The following NRXN3 variants were observed in gnomAD, a reference collection of about 807,000 sequenced individuals.
The protein encoded by NRXN3 is neurexin III.
A neutral mutation model predicts 137.6 loss-of-function variants in NRXN3; 32 were observed. The ratio of observed to expected loss-of-function variants is 0.23; its 90% confidence interval spans 0.18 to 0.31. The LOEUF is 0.31. Ranked by LOEUF, NRXN3 falls within the 10% of genes least tolerant of loss-of-function variation. The pLI is 1.00. For synonymous variants in NRXN3, 798 were observed against 784.5 expected (o/e 1.02, Z -0.29); for missense variants, 1,574 against 2,062.5 (o/e 0.76, Z 4.59).
In NRXN3 at chr14:79,749,174, C is replaced by T. The variant is rs565059158; in HGVS notation, c.4014+51237C>T. Among the ~76,000 whole-genome samples the T allele has an allele frequency of 3.3e-5, 5 of 152,108 alleles. No individual in the cohort carries two copies. In the South Asian group the frequency reaches 8.3e-4, roughly 25 times the overall value. On this transcript the variant is annotated intron_variant, in intron 19 of 20. Coordinates refer to ENST00000335750, the MANE Select transcript of NRXN3 (RefSeq NM_001330195.2). ...GCTGTGAGAAGTTAATCGTCTTGGGCATTGTTAGGAGGAGACTGTCTGGTA... is the reference window on the plus strand; with the variant it reads ...GCTGTGAGAAGTTAATCGTCTTGGGTATTGTTAGGAGGAGACTGTCTGGTA...
At chr14:78,827,892 CT>C (rs2098971529) in intron 10 of NRXN3, among the ~76,000 whole-genome samples, 2 of 152,182 alleles carry the variant, frequency 1.3e-5, no homozygotes, top group African/African-American at 4.8e-5. Context: ...ACACTTTGTT[CT>C]ATTTAACAGC....
At chr14:79,389,782 A>C (rs1164496226) in intron 15 of NRXN3, among the ~76,000 whole-genome samples, 1 of 152,188 alleles carries the variant, frequency 6.6e-6, no homozygotes, top group Non-Finnish European at 1.5e-5. Context: ...GAATTAATGA[A>C]AGGTCTGTCT....
chr14:78,982,263 T>C (rs1241877793), intron 14 of NRXN3, among the ~76,000 whole-genome samples: 1 of 152,222 alleles, frequency 6.6e-6, no homozygotes, highest in East Asian at 1.9e-4. Context: ...TTTAGTTCTT[T>C]CTTTTATTCA....
intron 16 of NRXN3, among the ~76,000 whole-genome samples, chr14:79,631,144 G>A (rs1292728668): frequency 6.6e-6 from 1 of 152,254 alleles, no homozygotes; most frequent in Non-Finnish European, 1.5e-5. Context: ...AAAGGGAACA[G>A]CTAAGACAAG....
intron 15 of NRXN3, among the ~76,000 whole-genome samples, chr14:79,390,032 T>C (rs1489218330): frequency 1.3e-5 from 2 of 152,130 alleles, no homozygotes; most frequent in East Asian, 3.9e-4. Context: ...TCTACATGAA[T>C]TAGGTCCAGG....
chr14:79,564,178 A>AG, intron 16 of NRXN3, among the ~76,000 whole-genome samples: 1 of 152,198 alleles, frequency 6.6e-6, no homozygotes, highest in African/African-American at 2.4e-5. Flanking sequence ...TTAAAAAAAA[A>AG]AAAAGATGTT....
At chr14:78,281,611 CT>C (rs980319427) in intron 3 of NRXN3, among the ~76,000 whole-genome samples, 3 of 152,130 alleles carry the variant, frequency 2.0e-5, no homozygotes, top group African/African-American at 7.2e-5. Flanking sequence ...TGCTTGTAAC[CT>C]TTGGGGAGGA....
chr14:78,410,517 C>A (rs551904683), intron 4 of NRXN3, among the ~76,000 whole-genome samples: 47 of 152,176 alleles, frequency 3.1e-4, no homozygotes, highest in Non-Finnish European at 6.2e-4. Flanking sequence ...TTTCTTAACT[C>A]CTGAGCCAGG....
intron 15 of NRXN3, among the ~76,000 whole-genome samples, chr14:79,327,227 C>A (rs1027111348): frequency 1.3e-5 from 2 of 152,166 alleles, no homozygotes; most frequent in Non-Finnish European, 2.9e-5. Flanking sequence ...GCAGCTCCCC[C>A]AGAAATGCCG....
intron 19 of NRXN3, among the ~76,000 whole-genome samples, chr14:79,712,904 C>G (rs2154053625): frequency 6.6e-6 from 1 of 152,254 alleles, no homozygotes; most frequent in Admixed American, 6.5e-5. Context: ...TATTTATTTC[C>G]TCATTTTCAA....
chr14:79,354,300 A>G (rs779746741), intron 15 of NRXN3, among the ~76,000 whole-genome samples: 3 of 152,314 alleles, frequency 2.0e-5, no homozygotes, highest in South Asian at 2.1e-4. Flanking sequence ...TTTTAAAAAT[A>G]TGGTATCAAT....
intron 16 of NRXN3, among the ~76,000 whole-genome samples, chr14:79,558,701 C>T (rs1200353233): frequency 6.6e-6 from 1 of 151,926 alleles, no homozygotes; most frequent in Non-Finnish European, 1.5e-5. Flanking sequence ...CTTAAGGGAG[C>T]CCTAGGATTT....
intron 19 of NRXN3, among the ~76,000 whole-genome samples, chr14:79,780,365 C>T (rs1388540417): frequency 2.0e-5 from 3 of 151,992 alleles, no homozygotes; most frequent in African/African-American, 7.2e-5. Flanking sequence ...CTTTGAGAGG[C>T]CGAGGCAGGC....
chr14:78,276,814 C>T (rs1166022111), intron 2 of NRXN3, among the ~76,000 whole-genome samples: 1 of 152,208 alleles, frequency 6.6e-6, no homozygotes, highest in African/African-American at 2.4e-5. Flanking sequence ...ATGGTGTTGA[C>T]ATTCTTCTGC....
intron 15 of NRXN3, among the ~76,000 whole-genome samples, chr14:79,188,396 A>T (rs76489375): frequency 1.4e-4 from 21 of 147,356 alleles, no homozygotes; most frequent in Admixed American, 7.5e-4. Flanking sequence ...TACAATACAT[A>T]TTTTTTTTTT....
At chr14:79,651,213 CAG>C (rs1328458452) in intron 16 of NRXN3, among the ~76,000 whole-genome samples, 4 of 152,120 alleles carry the variant, frequency 2.6e-5, no homozygotes, top group Non-Finnish European at 5.9e-5. Context: ...TCTCAGGCCA[CAG>C]AGGCCTGCTG....
intron 4 of NRXN3, among the ~76,000 whole-genome samples, chr14:78,418,904 G>C (rs2093295225): frequency 6.6e-6 from 1 of 152,204 alleles, no homozygotes; most frequent in African/African-American, 2.4e-5. Context: ...AAGCTTGGAG[G>C]AGCTGGGATT....
chr14:79,797,508 CCTG>C (rs1568285650), intron 19 of NRXN3, among the ~76,000 whole-genome samples: 1 of 152,298 alleles, frequency 6.6e-6, no homozygotes, highest in East Asian at 1.9e-4. Context: ...ACATTCAGGA[CCTG>C]CTTCATGAGA....
intron 4 of NRXN3, among the ~76,000 whole-genome samples, chr14:78,416,739 G>A (rs1359975898): frequency 6.6e-6 from 1 of 152,188 alleles, no homozygotes; most frequent in Non-Finnish European, 1.5e-5. Context: ...GGGCACTGTT[G>A]CTTCCATTTG....
Sources: gnomAD v4.1 joint callset for allele counts (sites outside exome capture counted in the v4.1 genomes callset) on GRCh38, gnomAD v4.1.1 for gene constraint, MANE v1.5 for transcripts, NCBI Gene and HGNC (gene_info 2026-07-23, HGNC 2026-07-21) for gene names.